Variants in ST7 observed in about 807,000 individuals in gnomAD.
ST7 encodes suppressor of tumorigenicity 7 protein.
In ST7, 28 loss-of-function variants were observed where a neutral mutation model predicts 78.7. The ratio of observed to expected loss-of-function variants is 0.36; its 90% CI spans 0.26 to 0.49. ST7 has a LOEUF of 0.49. Among genes scored for constraint, ST7 ranks in the 20% least tolerant of loss-of-function variants. The pLI, the probability that ST7 is intolerant of heterozygous loss-of-function variation, is 0.99. For synonymous variants in ST7, 247 were observed against 249.6 expected, an observed-to-expected ratio of 0.99 and a Z score of 0.10; for missense variants, 418 against 696.0, an observed-to-expected ratio of 0.60 and a Z score of 4.49.
chr7:117,114,741 A>G (rs1013655355), intron 2 of ST7, among the ~76,000 whole-genome samples: 3 of 152,220 alleles, frequency 2.0e-5, no homozygotes, highest in African/African-American at 7.2e-5. Context: ...TGTTTTATGT[A>G]TAGAATATGC....
intron 14 of ST7, among the ~76,000 whole-genome samples, chr7:117,220,592 A>T (rs191858212): frequency 6.6e-6 from 1 of 152,322 alleles, no homozygotes; most frequent in Admixed American, 6.5e-5. Context: ...CCTTATAGGG[A>T]TAATCTTTAT....
intron 1 of ST7, among the ~76,000 whole-genome samples, chr7:116,961,004 G>A (rs1022558372): frequency 1.3e-5 from 2 of 152,040 alleles, no homozygotes; most frequent in African/African-American, 4.8e-5. Flanking sequence ...GTAAAGAAGG[G>A]GTCCACTTTC....
intron 1 of ST7, among the ~76,000 whole-genome samples, chr7:117,062,781 G>A (rs1306224272): frequency 6.6e-6 from 1 of 152,170 alleles, no homozygotes; most frequent in Non-Finnish European, 1.5e-5. Flanking sequence ...TCAAACATTG[G>A]ATAGAAAAAT....
intron 12 of ST7, chr7:117,198,257 G>A (rs193573): frequency 0.68 from 303,076 of 448,512 alleles, 104,320 homozygotes; most frequent in East Asian, 0.93. Flanking sequence ...TACCTGCTCA[G>A]TACATGTTGG....
At position 117,047,047 on chromosome 7, in the gene ST7, A is replaced by T. The variant is rs539627848; in HGVS notation, c.152-52715A>T. ...AAGTAAATATATATAATTACAGCAA[A>T]GTTTTCTGGAGGAGTTAGTATTTGT... On this transcript the variant is annotated intron_variant, in intron 1 of 15. Transcript: ENST00000323984. Among the ~76,000 whole-genome samples the T allele has an allele frequency of 2.6e-5, 4 of 152,300 alleles. No homozygotes were observed. The South Asian group carries it at 8.3e-4, about 32-fold the overall frequency.
At chr7:117,089,062 C>T (rs17139331) in intron 1 of ST7, among the ~76,000 whole-genome samples, 11,426 of 152,292 alleles carry the variant, frequency 0.075, 524 homozygotes, top group Middle Eastern at 0.15. Context: ...TCTTTTAGGG[C>T]TGTACTTAGC....
chr7:116,974,373 C>A (rs574573263), intron 1 of ST7, among the ~76,000 whole-genome samples: 32 of 151,812 alleles, frequency 2.1e-4, no homozygotes, highest in African/African-American at 6.0e-4. Context: ...CTGCAAGCTC[C>A]GCCTCCTGGG....
At chr7:117,089,876 G>T (rs918386545) in intron 1 of ST7, among the ~76,000 whole-genome samples, 5 of 151,942 alleles carry the variant, frequency 3.3e-5, no homozygotes, top group Admixed American at 2.6e-4. Flanking sequence ...GGCCTCAACA[G>T]TTTTTTAAAA....
intron 1 of ST7, among the ~76,000 whole-genome samples, chr7:117,018,867 A>G (rs1203963808): frequency 6.6e-6 from 1 of 152,244 alleles, no homozygotes; most frequent in Admixed American, 6.5e-5. Flanking sequence ...CTTATTTAGC[A>G]TCATCAAATG....
intron 15 of ST7, 87 bp from the exon 16 acceptor site, chr7:117,229,673 CTT>C: frequency 1.9e-6 from 2 of 1,059,504 alleles, no homozygotes; most frequent in East Asian, 2.4e-5. Context: ...AATGCAGAGA[CTT>C]AAGCTGCAAG....
intron 1 of ST7, among the ~76,000 whole-genome samples, chr7:117,037,861 C>T (rs1203248611): frequency 1.3e-5 from 2 of 152,048 alleles, no homozygotes; most frequent in African/African-American, 2.4e-5. Flanking sequence ...TTTAAATCTG[C>T]GGTGAAATAA....
At chr7:117,050,519 T>C (rs1002832669) in intron 1 of ST7, among the ~76,000 whole-genome samples, 16 of 152,244 alleles carry the variant, frequency 1.1e-4, no homozygotes, top group Non-Finnish European at 5.9e-5. Context: ...TGTTTGTGTG[T>C]GTAGGTTTTG....
At chr7:117,167,073 T>G (rs1307466552) in intron 9 of ST7, among the ~76,000 whole-genome samples, 1 of 151,598 alleles carries the variant, frequency 6.6e-6, no homozygotes, top group Non-Finnish European at 1.5e-5. Context: ...TTTACTTTGT[T>G]TTTTTTAATT....
chr7:117,081,299 T>C (rs1799754767), intron 1 of ST7, among the ~76,000 whole-genome samples: 1 of 152,140 alleles, frequency 6.6e-6, no homozygotes. Context: ...TTCTTATTAA[T>C]CTTTATTAAG....
At chr7:116,982,579 G>T (rs1302546732) in intron 1 of ST7, among the ~76,000 whole-genome samples, 1 of 152,080 alleles carries the variant, frequency 6.6e-6, no homozygotes, top group Admixed American at 6.6e-5. Context: ...TACTCAAATT[G>T]TCCTAGATTT....
chr7:117,078,201 G>A (rs1174347155), intron 1 of ST7, among the ~76,000 whole-genome samples: 2 of 152,200 alleles, frequency 1.3e-5, no homozygotes, highest in Non-Finnish European at 2.9e-5. Flanking sequence ...AGAACTCATA[G>A]GTGCAGCCAT....
chr7:117,121,777 A>C (rs1454940777), intron 3 of ST7, among the ~76,000 whole-genome samples: 1 of 152,174 alleles, frequency 6.6e-6, no homozygotes, highest in Admixed American at 6.6e-5. Context: ...GCCTTTAAAA[A>C]AATCATATTC....
chr7:117,045,992 T>A (rs1309903368), intron 1 of ST7, among the ~76,000 whole-genome samples: 1 of 152,232 alleles, frequency 6.6e-6, no homozygotes, highest in Non-Finnish European at 1.5e-5. Flanking sequence ...ATGTTTCATA[T>A]AGAGGGATAA....
intron 1 of ST7, among the ~76,000 whole-genome samples, chr7:117,041,875 G>A (rs1277298796): frequency 6.6e-6 from 1 of 152,076 alleles, no homozygotes; most frequent in African/African-American, 2.4e-5. Context: ...TTTAAAATAT[G>A]GACATTATGC....
Sources: gnomAD v4.1 joint callset for allele counts (sites outside exome capture counted in the v4.1 genomes callset) on GRCh38, gnomAD v4.1.1 for gene constraint, MANE v1.5 for transcripts, NCBI Gene and HGNC (gene_info 2026-07-23, HGNC 2026-07-21) for gene names.